Variants in ECT2L observed in about 807,000 individuals in gnomAD.
ECT2L encodes epithelial cell transforming 2 like, also known as epithelial cell-transforming sequence 2 oncogene-like.
In ECT2L, 126 loss-of-function variants were observed where a neutral mutation model predicts 122.8. The ratio of observed to expected loss-of-function variants is 1.03; its 90% CI spans 0.89 to 1.19. The LOEUF is 1.19. Among genes scored for constraint, ECT2L ranks in the 50% most tolerant of loss-of-function variants. The probability of loss-of-function intolerance (pLI) is 0.00; values close to 1 mark genes in which losing one functional copy is unlikely to be tolerated. For missense variants in ECT2L, 1,012 were observed against 1,064.1 expected (o/e 0.95, Z 0.68); for synonymous variants, 385 against 381.8 (o/e 1.01, Z -0.10).
intron 21 of ECT2L, among the ~76,000 whole-genome samples, chr6:138,901,454 A>G (rs556517020): frequency 6.6e-6 from 1 of 152,324 alleles, no homozygotes; most frequent in South Asian, 2.1e-4. Flanking sequence ...TGAAGATGCC[A>G]CAGTCTTAAA....
At chr6:138,824,712 G>A (rs1011089706) in intron 4 of ECT2L, among the ~76,000 whole-genome samples, 1 of 152,136 alleles carries the variant, frequency 6.6e-6, no homozygotes, top group Non-Finnish European at 1.5e-5. Flanking sequence ...CCATAGGGAC[G>A]TGTTTGGGCA....
chr6:138,844,659 C>G, intron 7 of ECT2L, 79 bp downstream of exon 7: 1 of 1,355,792 alleles, frequency 7.4e-7, no homozygotes, highest in Non-Finnish European at 1.0e-6. Context: ...TTAGCTATCA[C>G]GCAGAAATCT....
Position 138,886,663 on chromosome 6 carries a change from C to G in ECT2L, c.2260-194C>G, listed in dbSNP as rs370099958. On this transcript the variant is annotated intron_variant, in intron 18 of 21. Transcript: ENST00000541398. The stretch of plus-strand genomic sequence containing the variant: ...GAACTCCTGAGCTCAAGCCATCAGC[C>G]CACCTCAGCCTCCCAAATTGCTGGG... Among the ~76,000 whole-genome samples the G allele has an allele frequency of 5.9e-5, 9 of 152,154 alleles. No homozygotes were observed. The South Asian group carries it at 1.7e-3, about 28-fold the overall frequency.
chr6:138,892,850 T>C (rs536719326), intron 20 of ECT2L, among the ~76,000 whole-genome samples: 1 of 152,306 alleles, frequency 6.6e-6, no homozygotes, highest in African/African-American at 2.4e-5. Flanking sequence ...TAAAAGGAAC[T>C]AAACAGGTCT....
rs397765310 is a variant in ECT2L, at chr6:138,827,952, T to TG, written c.180-10400_180-10399insG. ...TTTTTATAAAGGACTATTTTTTTTT[T>TG]ATACTTTAAGTTCTAGGGTACATGT... On this transcript the variant is annotated intron_variant, in intron 4 of 21. Coordinates refer to ENST00000541398, the MANE Select transcript of ECT2L (RefSeq NM_001077706.3). 2.6e-5 allele frequency among the ~76,000 whole-genome samples: 4 copies of TG among 151,936 alleles called. No homozygotes were observed. In the East Asian group the frequency reaches 7.7e-4, roughly 29 times the overall value.
At chr6:138,873,506 C>T (rs935998210) in intron 13 of ECT2L, among the ~76,000 whole-genome samples, 21 of 152,172 alleles carry the variant, frequency 1.4e-4, no homozygotes, top group Non-Finnish European at 7.4e-5. Flanking sequence ...CTTTAAAGAC[C>T]CTTCCAGCCG....
intron 13 of ECT2L, among the ~76,000 whole-genome samples, chr6:138,871,848 A>C (rs1023062913): frequency 1.3e-5 from 2 of 151,212 alleles, no homozygotes; most frequent in East Asian, 3.9e-4. Flanking sequence ...ACAACAAAAA[A>C]CCCTACCCTT....
At chr6:138,799,561 CT>C (rs961440911) in intron 1 of ECT2L, among the ~76,000 whole-genome samples, 1 of 149,464 alleles carries the variant, frequency 6.7e-6, no homozygotes, top group African/African-American at 2.5e-5. Context: ...GGCCTCTTTT[CT>C]TTTTTTTTGA....
At chr6:138,832,726 T>C (rs1332572331) in intron 4 of ECT2L, among the ~76,000 whole-genome samples, 1 of 151,980 alleles carries the variant, frequency 6.6e-6, no homozygotes. Flanking sequence ...TCAGCTCCCA[T>C]TTAGTGTCCT....
At chr6:138,880,397 C>A (rs893674463) in intron 14 of ECT2L, among the ~76,000 whole-genome samples, 21 of 152,158 alleles carry the variant, frequency 1.4e-4, no homozygotes, top group Non-Finnish European at 5.9e-5. Flanking sequence ...GTCCTCATGA[C>A]CCAGCCATGT....
At chr6:138,862,470 G>A (rs1447920373) in intron 10 of ECT2L, among the ~76,000 whole-genome samples, 157 bp from the exon 11 acceptor site, 1 of 152,134 alleles carries the variant, frequency 6.6e-6, no homozygotes, top group Admixed American at 6.5e-5. Context: ...AGTTATTCAT[G>A]AGGGATCCGC....
At position 138,885,320 on chromosome 6, in the gene ECT2L, G is replaced by A. The variant is rs1400926837; in HGVS notation, c.2029-186G>A. ...TGGAATTACAGGCATGAGCCATAGC[G>A]CCCGGCCAACACACATTCTTAACAT... On this transcript the variant is annotated intron_variant, in intron 16 of 21. Coordinates refer to ENST00000541398, the MANE Select transcript of ECT2L (RefSeq NM_001077706.3). Among the ~76,000 whole-genome samples, 8 of 151,972 alleles carry A rather than the reference G, an allele frequency of 5.3e-5. No individual in the cohort carries two copies. In the East Asian group the frequency reaches 7.7e-4, roughly 15 times the overall value.
At chr6:138,883,247 A>G (rs1417452221) in intron 16 of ECT2L, among the ~76,000 whole-genome samples, 1 of 152,212 alleles carries the variant, frequency 6.6e-6, no homozygotes, top group African/African-American at 2.4e-5. Flanking sequence ...AATCATCCAC[A>G]TCTTTCTTGG....
At chr6:138,868,286 T>TTTTTTGA in intron 13 of ECT2L, 80 bp downstream of exon 13, 1 of 1,313,354 alleles carries the variant, frequency 7.6e-7, no homozygotes, top group Non-Finnish European at 1.1e-6. Context: ...TTAATTTTTT[T>TTTTTTGA]GACCAGTTTA....
chr6:138,841,220 G>A (rs1020830405), intron 5 of ECT2L, among the ~76,000 whole-genome samples: 1 of 152,134 alleles, frequency 6.6e-6, no homozygotes, highest in African/African-American at 2.4e-5. Context: ...ATCACCTGAG[G>A]ATCTCTCTAT....
chr6:138,889,536 T>C (rs1393791937), intron 20 of ECT2L, among the ~76,000 whole-genome samples: 1 of 152,164 alleles, frequency 6.6e-6, no homozygotes, highest in Non-Finnish European at 1.5e-5. Flanking sequence ...GCCAGGTTGG[T>C]CTCAAACTCT....
In ECT2L at chr6:138,836,289, C is replaced by CT. The variant is rs138141444; in HGVS notation, c.180-2045dup. Among the ~76,000 whole-genome samples the CT allele has an allele frequency of 9.6e-3, 1,187 of 123,620 alleles. 22 individuals are homozygous for CT. Among genetic ancestry groups the CT allele is most frequent in the African/African-American group, 0.029 (900 of 31,492 alleles). The allele number at this position is 123,620 out of a possible 152,430, so 81.1% of individuals were successfully genotyped here. A position where few individuals can be genotyped will look rare whatever the true frequency, so the allele number is the denominator to read the frequency against. ...CCCACTACTTTTAGCATTCATTAAT[C>CT]TTTTTTTTTTTTTTTTTTGAGATGG... On this transcript the variant is annotated intron_variant, in intron 4 of 21. Transcript: ENST00000541398.
At chr6:138,838,209 T>A in intron 4 of ECT2L, 143 bp from the exon 5 acceptor site, 1 of 908,346 alleles carries the variant, frequency 1.1e-6, no homozygotes, top group Non-Finnish European at 1.5e-6. Context: ...GCCTGAAAAT[T>A]TTTTAAATCT....
At chr6:138,871,168 C>T (rs1169641973) in intron 13 of ECT2L, among the ~76,000 whole-genome samples, 2 of 152,202 alleles carry the variant, frequency 1.3e-5, no homozygotes, top group Non-Finnish European at 2.9e-5. Context: ...CTGAGAATTA[C>T]ATTGTCGTTC....
Sources: allele counts gnomAD v4.1 joint callset (sites outside exome capture counted in the v4.1 genomes callset), GRCh38; gene constraint gnomAD v4.1.1; transcripts MANE v1.5; gene names NCBI Gene and HGNC (gene_info 2026-07-23, HGNC 2026-07-21).